NUP153: variants seen among roughly 807,000 people sequenced by gnomAD.
NUP153 encodes nucleoporin 153.
NUP153 carries 27 observed loss-of-function variants against 134.6 expected under a neutral mutation model. The ratio of observed to expected loss-of-function variants is 0.20; its 90% CI spans 0.15 to 0.28. The LOEUF (loss-of-function observed/expected upper bound fraction) is 0.28. NUP153 is among the 10% of genes least tolerant of loss of function. The probability of loss-of-function intolerance (pLI) is 1.00; values close to 1 mark genes in which losing one functional copy is unlikely to be tolerated. For missense variants in NUP153, 1,821 were observed against 1,731.3 expected, an observed-to-expected ratio of 1.05 and a Z score of -0.92; for synonymous variants, 640 against 623.5, an observed-to-expected ratio of 1.03 and a Z score of -0.40.
At position 17,694,593 on chromosome 6, in the gene NUP153, G is replaced by T. The variant is rs564261772; in HGVS notation, c.112-5975C>A. On this transcript the variant is annotated intron_variant, in intron 1 of 21. Coordinates refer to ENST00000262077, the MANE Select transcript of NUP153 (RefSeq NM_005124.4). ...AATCGCTTGAACCTGGGAGGCGGAG[G>T]TTGCAGTGAGCCAAGATCGCGCCAT... Among the ~76,000 whole-genome samples the T allele has an allele frequency of 4.2e-4, 64 of 152,148 alleles. 1 individual carries two copies. Among genetic ancestry groups the T allele is most frequent in the African/African-American group, 1.5e-3 (62 of 41,502 alleles).
intron 1 of NUP153, among the ~76,000 whole-genome samples, chr6:17,699,189 A>AT (rs61553664): frequency 9.6e-4 from 144 of 149,620 alleles, no homozygotes; most frequent in Middle Eastern, 3.4e-3. Context: ...GCTACAAATA[A>AT]TTTTTTTTTT....
At chr6:17,660,247 G>A (rs1767100010) in intron 11 of NUP153, among the ~76,000 whole-genome samples, 1 of 152,266 alleles carries the variant, frequency 6.6e-6, no homozygotes, top group East Asian at 1.9e-4. Flanking sequence ...AATAGGAAAA[G>A]CATGTTTAAA....
At chr6:17,650,812 A>C (rs1054516130) in intron 11 of NUP153, among the ~76,000 whole-genome samples, 2 of 152,170 alleles carry the variant, frequency 1.3e-5, no homozygotes, top group African/African-American at 4.8e-5. Context: ...GTACACATTG[A>C]ATTTACAGCC....
Position 17,706,414 on chromosome 6 carries a change from CGGGGCGGGTAAG to C in NUP153, c.-39_-28del, listed in dbSNP as rs764611459. 4 of 1,585,462 alleles carry C rather than the reference CGGGGCGGGTAAG, an allele frequency of 2.5e-6. No individual in the cohort carries two copies. In the East Asian group the frequency reaches 6.7e-5, roughly 27 times the overall value. ...GCGGAGCCTCCGCCGCTTCCCGCTCCGGGGCGGGTAAGGGGGCGGGAGAGGCAGAGGCGGAGG... is the reference window on the plus strand; with the variant it reads ...GCGGAGCCTCCGCCGCTTCCCGCTCCGGGGCGGGAGAGGCAGAGGCGGAGG... On this transcript the variant is annotated 5_prime_UTR_variant, in exon 1 of 22. Coordinates refer to ENST00000262077, the MANE Select transcript of NUP153 (RefSeq NM_005124.4). The surrounding 1 kb of genome is among the most constrained non-coding windows in gnomAD (Gnocchi z 5.9).
intron 5 of NUP153, among the ~76,000 whole-genome samples, chr6:17,670,712 A>G (rs1365445762): frequency 6.6e-6 from 1 of 151,904 alleles, no homozygotes; most frequent in African/African-American, 2.4e-5. Context: ...AATTTTTATC[A>G]TGACTAAATG....
intron 21 of NUP153, 109 bp from the exon 22 acceptor site, chr6:17,616,290 G>GGGGGGGGGGGGGGGGGGCCCC: frequency 1.3e-5 from 6 of 473,854 alleles, no homozygotes; most frequent in Non-Finnish European, 2.3e-5. Flanking sequence ...GGTGGGGGGG[G>GGGGGGGGGGGGGGGGGGCCCC]AGTAGACTCA....
rs189328670 is a variant in NUP153 at position 17,694,402 on chromosome 6, T to C, written c.112-5784A>G. On this transcript the variant is annotated intron_variant, in intron 1 of 21. Coordinates refer to ENST00000262077, the MANE Select transcript of NUP153 (RefSeq NM_005124.4). ...AGCTGGGCCCGGTGGCTCACGCCTG[T>C]AATCCCAGCACTTCCGGAGGCCGAC... is the stretch of plus-strand genomic sequence containing the variant. 2.0e-5 allele frequency among the ~76,000 whole-genome samples: 3 copies of C among 152,286 alleles called. No homozygotes were observed. The East Asian group carries it at 5.8e-4, about 29-fold the overall frequency.
chr6:17,679,420 A>G (rs1768440252), intron 2 of NUP153, among the ~76,000 whole-genome samples: 1 of 152,244 alleles, frequency 6.6e-6, no homozygotes, highest in Admixed American at 6.5e-5. Flanking sequence ...AAGACTAAAT[A>G]TTGTTGGGAT....
intron 20 of NUP153, among the ~76,000 whole-genome samples, chr6:17,620,770 C>T (rs1764606629): frequency 6.6e-6 from 1 of 151,978 alleles, no homozygotes; most frequent in Non-Finnish European, 1.5e-5. Context: ...CCAAAGTAGC[C>T]CCTGGAAGCC....
chr6:17,652,329 C>A (rs1766547199), intron 11 of NUP153, among the ~76,000 whole-genome samples: 1 of 152,102 alleles, frequency 6.6e-6, no homozygotes, highest in South Asian at 2.1e-4. Context: ...AAGTCATAAT[C>A]TCAATCTTTT....
At chr6:17,620,359 T>C (rs1463209916) in intron 20 of NUP153, among the ~76,000 whole-genome samples, 1 of 152,154 alleles carries the variant, frequency 6.6e-6, no homozygotes. Context: ...AGCCAACTGA[T>C]TTTCGACAAT....
intron 1 of NUP153, among the ~76,000 whole-genome samples, chr6:17,692,851 TAA>T (rs1017090014): frequency 6.6e-6 from 1 of 152,128 alleles, no homozygotes; most frequent in Non-Finnish European, 1.5e-5. Flanking sequence ...TTCAGGAAAT[TAA>T]GATACATTTT....
intron 2 of NUP153, among the ~76,000 whole-genome samples, chr6:17,682,570 T>C (rs1000483277): frequency 6.6e-6 from 1 of 152,156 alleles, no homozygotes; most frequent in Non-Finnish European, 1.5e-5. Context: ...TTCTAAATTA[T>C]TCTGTAATCT....
Position 17,680,650 on chromosome 6 carries a change from AG to A in NUP153, c.335-4881del, listed in dbSNP as rs570412628. On this transcript the variant is annotated intron_variant, in intron 2 of 21. Coordinates refer to ENST00000262077, the MANE Select transcript of NUP153 (RefSeq NM_005124.4). This position sits in a 1 kb window ranked among gnomAD's most constrained non-coding sequence, Gnocchi z 4.5. ...CAAAGAATGTAATCAACAGAGTAAA[AG>A]GTCAACCTACAGGATGGGAGAAAAT... 1.2e-4 allele frequency among the ~76,000 whole-genome samples: 19 copies of A among 152,354 alleles called. No homozygotes were observed. In the East Asian group the frequency reaches 3.7e-3, roughly 29 times the overall value.
At chr6:17,700,711 T>C (rs1301925242) in intron 1 of NUP153, among the ~76,000 whole-genome samples, 1 of 152,198 alleles carries the variant, frequency 6.6e-6, no homozygotes, top group Non-Finnish European at 1.5e-5. Flanking sequence ...ATATAAACCA[T>C]GGTATAGCAA....
At chr6:17,690,212 C>A (rs1041456940) in intron 1 of NUP153, among the ~76,000 whole-genome samples, 1 of 151,996 alleles carries the variant, frequency 6.6e-6, no homozygotes, top group African/African-American at 2.4e-5. Context: ...ATTAGCCAGG[C>A]GTGGTGGCGG....
intron 17 of NUP153, among the ~76,000 whole-genome samples, chr6:17,630,810 G>C (rs1561858695): frequency 6.9e-6 from 1 of 145,816 alleles, no homozygotes; most frequent in African/African-American, 2.8e-5. Flanking sequence ...GAAGAGAGAG[G>C]AGAGAAGAGA....
chr6:17,694,274 T>G (rs1769485438), intron 1 of NUP153, among the ~76,000 whole-genome samples: 1 of 152,176 alleles, frequency 6.6e-6, no homozygotes, highest in African/African-American at 2.4e-5. Context: ...CTCCATGAGT[T>G]AGTATAGATT....
chr6:17,699,481 CA>C (rs147055009), intron 1 of NUP153, among the ~76,000 whole-genome samples: 95 of 97,562 alleles, frequency 9.7e-4, no homozygotes, highest in Middle Eastern at 8.2e-3. Context: ...AGACTCGTCT[CA>C]AAAAAAAAAA....
Sources: allele counts gnomAD v4.1 joint callset (sites outside exome capture counted in the v4.1 genomes callset), GRCh38; gene constraint gnomAD v4.1.1; non-coding constraint Gnocchi (gnomAD v3.1); transcripts MANE v1.5; gene names NCBI Gene and HGNC (gene_info 2026-07-23, HGNC 2026-07-21).